PIK3CB: variants seen among roughly 807,000 people sequenced by gnomAD.
PIK3CB encodes phosphatidylinositol 4,5-bisphosphate 3-kinase catalytic subunit beta isoform.
Under a neutral mutation model 136.8 loss-of-function variants are expected in PIK3CB, and 39 were observed. The observed-to-expected ratio is 0.29, with a 90% CI of 0.22 to 0.37. The LOEUF (loss-of-function observed/expected upper bound fraction) is 0.37. PIK3CB is among the 10% of genes least tolerant of loss of function. The probability of loss-of-function intolerance (pLI) is 1.00; values close to 1 mark genes in which losing one functional copy is unlikely to be tolerated. For synonymous variants in PIK3CB, 428 were observed against 436.6 expected, an observed-to-expected ratio of 0.98 and a Z score of 0.25; for missense variants, 868 against 1,275.4, an observed-to-expected ratio of 0.68 and a Z score of 4.87.
intron 1 of PIK3CB, among the ~76,000 whole-genome samples, chr3:138,813,415 T>C (rs1344337435): frequency 6.6e-6 from 1 of 151,918 alleles, no homozygotes; most frequent in East Asian, 1.9e-4. Flanking sequence ...TCACACATGA[T>C]TAAGGGCCTA....
rs11344311 is a variant in PIK3CB, at chr3:138,737,394, C to CAAAAAAAA, written c.801+305_801+312dup. 1.3e-4 allele frequency among the ~76,000 whole-genome samples: 5 copies of CAAAAAAAA among 39,064 alleles called. 1 individual carries two copies. Among genetic ancestry groups the CAAAAAAAA allele is most frequent in the Non-Finnish European group, 2.4e-4 (5 of 20,546 alleles). The allele number at this position is 39,064 out of a possible 152,430, so 25.6% of individuals were successfully genotyped here. ...TAGGCGACAGAGCAACACTCTGTCT[C>CAAAAAAAA]AAAAAAAAAAAAAAAAAAAAAAAAA... is the stretch of plus-strand genomic sequence containing the variant. On this transcript the variant is annotated intron_variant, in intron 6 of 23. Transcript: ENST00000674063.
intron 2 of PIK3CB, among the ~76,000 whole-genome samples, chr3:138,781,810 C>T (rs1302137634): frequency 6.6e-6 from 1 of 152,100 alleles, no homozygotes; most frequent in Non-Finnish European, 1.5e-5. Context: ...GTCCCAGCTA[C>T]TTGGGAGGCT....
In PIK3CB at chr3:138,771,572, T is replaced by C. The variant is rs151257411; in HGVS notation, c.-16-12213A>G. 4.7e-3 allele frequency among the ~76,000 whole-genome samples: 715 copies of C among 152,328 alleles called. 5 individuals carry two copies. Among genetic ancestry groups the C allele is most frequent in the Middle Eastern group, 6.8e-3 (2 of 294 alleles). On this transcript the variant is annotated intron_variant, in intron 2 of 23. Transcript: ENST00000674063. The stretch of plus-strand genomic sequence containing the variant: ...TTTATTCCGAATTGCTATAATTATA[T>C]GTAAGAGCTATTTCTAAAGTAATTC...
At chr3:138,784,338 C>T (rs1450846794) in intron 2 of PIK3CB, among the ~76,000 whole-genome samples, 3 of 152,138 alleles carry the variant, frequency 2.0e-5, no homozygotes, top group African/African-American at 7.2e-5. Flanking sequence ...GCTAAGATCA[C>T]GCCACTGCAC....
intron 1 of PIK3CB, among the ~76,000 whole-genome samples, chr3:138,800,474 C>T (rs2046159934): frequency 6.6e-6 from 1 of 151,796 alleles, no homozygotes; most frequent in Non-Finnish European, 1.5e-5. Flanking sequence ...AGGCGTGTGC[C>T]ACCACACCCG....
At chr3:138,738,579 G>A (rs137895253) in intron 5 of PIK3CB, among the ~76,000 whole-genome samples, 99 of 152,126 alleles carry the variant, frequency 6.5e-4, no homozygotes, top group African/African-American at 2.0e-3. Flanking sequence ...TAGCAATTAC[G>A]TCCAATTTTA....
chr3:138,737,937 T>A, intron 5 of PIK3CB, 51 bp from the exon 6 acceptor site: 1 of 1,113,642 alleles, frequency 9.0e-7, no homozygotes, highest in Non-Finnish European at 1.3e-6. Flanking sequence ...ATATTTATGC[T>A]GAAAAATCAC....
chr3:138,685,420 A>AGAAAGAAAG (rs71637085), intron 16 of PIK3CB, among the ~76,000 whole-genome samples: 1 of 86,926 alleles, frequency 1.2e-5, no homozygotes, highest in Non-Finnish European at 2.3e-5. Flanking sequence ...AAAAAAAAAA[A>AGAAAGAAAG]AAAGAAAGAA....
chr3:138,817,264 G>A (rs965817123), intron 1 of PIK3CB, among the ~76,000 whole-genome samples: 7 of 152,034 alleles, frequency 4.6e-5, no homozygotes, highest in Admixed American at 2.6e-4. Context: ...CATGAACCCC[G>A]GGGGGCGGAG....
In PIK3CB at chr3:138,707,307, T is replaced by C. The variant is rs1157926897; in HGVS notation, c.1400-18A>G. On this transcript the variant is annotated intron_variant, in intron 10 of 23. Coordinates refer to ENST00000674063, the MANE Select transcript of PIK3CB (RefSeq NM_006219.3). Reference sequence around the variant, plus strand: ...GAGTTCATCTAAAACATGCAAATAATTTTGGTTCTTAAAAAATGTCTTTAA... The same window carrying C: ...GAGTTCATCTAAAACATGCAAATAACTTTGGTTCTTAAAAAATGTCTTTAA... 6.3e-7 allele frequency: 1 copy of C among 1,581,424 alleles called. No homozygotes were observed. The highest frequency in any genetic ancestry group is 8.6e-7 in the Non-Finnish European group (1 of 1,168,940).
intron 15 of PIK3CB, 47 bp downstream of exon 15, chr3:138,690,953 G>C: frequency 6.9e-7 from 1 of 1,457,980 alleles, no homozygotes; most frequent in Non-Finnish European, 9.4e-7. Flanking sequence ...CTTGTTTATA[G>C]TTACTAAAGC....
At chr3:138,792,283 A>G in intron 2 of PIK3CB, among the ~76,000 whole-genome samples, 1 of 152,228 alleles carries the variant, frequency 6.6e-6, no homozygotes, top group Non-Finnish European at 1.5e-5. Flanking sequence ...TTCTATTGTC[A>G]TTATTCCCTA....
intron 1 of PIK3CB, among the ~76,000 whole-genome samples, chr3:138,803,990 G>A (rs2046203858): frequency 6.6e-6 from 1 of 152,026 alleles, no homozygotes; most frequent in Middle Eastern, 3.2e-3. Context: ...GGTTAATACT[G>A]TTACCACATA....
At chr3:138,740,833 G>C (rs2045229198) in intron 5 of PIK3CB, among the ~76,000 whole-genome samples, 1 of 151,880 alleles carries the variant, frequency 6.6e-6, no homozygotes, top group East Asian at 1.9e-4. Context: ...TTGTACAGAT[G>C]GGGTTTCACC....
intron 8 of PIK3CB, among the ~76,000 whole-genome samples, chr3:138,729,544 A>C (rs545581225): frequency 4.8e-4 from 73 of 152,326 alleles, no homozygotes; most frequent in African/African-American, 1.5e-3. Context: ...CTCCCCAAGT[A>C]AGACAGAATT....
At chr3:138,740,353 G>T (rs192753138) in intron 5 of PIK3CB, among the ~76,000 whole-genome samples, 48 of 152,236 alleles carry the variant, frequency 3.2e-4, no homozygotes, top group African/African-American at 1.2e-3. Context: ...GTGAAACTCC[G>T]TCTCAAAACA....
intron 4 of PIK3CB, among the ~76,000 whole-genome samples, chr3:138,748,746 G>C (rs1234193842): frequency 6.6e-6 from 1 of 152,134 alleles, no homozygotes; most frequent in Non-Finnish European, 1.5e-5. Flanking sequence ...AAATTCAAAA[G>C]GAAGAATACA....
At chr3:138,816,177 C>T (rs1933317293) in intron 1 of PIK3CB, among the ~76,000 whole-genome samples, 1 of 152,010 alleles carries the variant, frequency 6.6e-6, no homozygotes, top group Non-Finnish European at 1.5e-5. Flanking sequence ...GTGGCGCATG[C>T]CTGTGGTACC....
chr3:138,703,477 G>A (rs1191020748), intron 12 of PIK3CB, among the ~76,000 whole-genome samples: 1 of 151,378 alleles, frequency 6.6e-6, no homozygotes, highest in Non-Finnish European at 1.5e-5. Flanking sequence ...CGAGAATACT[G>A]GATTACAGCT....
Sources: allele counts gnomAD v4.1 joint callset (sites outside exome capture counted in the v4.1 genomes callset), GRCh38; gene constraint gnomAD v4.1.1; transcripts MANE v1.5; gene names NCBI Gene and HGNC (gene_info 2026-07-23, HGNC 2026-07-21).